MPC2: variants seen among roughly 807,000 people sequenced by gnomAD.
MPC2 encodes mitochondrial pyruvate carrier 2, also known as brain protein 44.
Under a neutral mutation model 19.2 loss-of-function variants are expected in MPC2, and 19 were observed. The observed-to-expected ratio is 0.99, with a 90% CI of 0.69 to 1.45. MPC2 has a LOEUF of 1.45. Ranked by LOEUF, MPC2 falls within the 40% of genes most tolerant of loss-of-function variation. MPC2 has a pLI of 0.00. For synonymous variants in MPC2, 61 were observed against 54.3 expected (o/e 1.12, Z -0.54); for missense variants, 122 against 153.0 (o/e 0.80, Z 1.07).
intron 2 of MPC2, among the ~76,000 whole-genome samples, chr1:167,934,291 A>T (rs571979544): frequency 2.6e-4 from 40 of 152,320 alleles, no homozygotes; most frequent in African/African-American, 8.2e-4. Flanking sequence ...TTACTCTGTC[A>T]TGCCCTTATC....
chr1:167,936,772 C>A lies in MPC2; in HGVS notation c.-58+167G>T, dbSNP rs1434441586. The A allele has an allele frequency of 2.6e-5, 19 of 718,792 alleles. No individual in the cohort carries two copies. In the East Asian group the frequency reaches 4.5e-4, roughly 17 times the overall value. 44.5% of individuals were successfully genotyped at this position (718,792 alleles called of 1,614,324 possible). On this transcript the variant is annotated intron_variant, in intron 1 of 5. Coordinates refer to ENST00000271373, the MANE Select transcript of MPC2 (RefSeq NM_001143674.4). Reference sequence around the variant, plus strand: ...TCAGGGGCCCAGGCGCCGCTGCTGCCACCGCCATCTAACGCTGCGCCCTGG... The same window carrying A: ...TCAGGGGCCCAGGCGCCGCTGCTGCAACCGCCATCTAACGCTGCGCCCTGG...
At chr1:167,925,560 T>C (rs1670734866) in intron 2 of MPC2, among the ~76,000 whole-genome samples, 1 of 147,892 alleles carries the variant, frequency 6.8e-6, no homozygotes, top group Non-Finnish European at 1.5e-5. Context: ...TTTTTGTTTT[T>C]TTTTGAGACA....
chr1:167,929,652 T>C (rs1052120429), intron 2 of MPC2, among the ~76,000 whole-genome samples: 2 of 152,218 alleles, frequency 1.3e-5, no homozygotes, highest in African/African-American at 4.8e-5. Context: ...GAGAAATTAC[T>C]GTTAATAAAA....
intron 2 of MPC2, among the ~76,000 whole-genome samples, chr1:167,928,462 A>G (rs1670816818): frequency 6.6e-6 from 1 of 152,220 alleles, no homozygotes; most frequent in South Asian, 2.1e-4. Context: ...ATAAAGCTAG[A>G]CAGGTAAATT....
intron 1 of MPC2, 40 bp from the exon 2 acceptor site, chr1:167,935,938 C>G: frequency 1.1e-6 from 1 of 926,422 alleles, no homozygotes; most frequent in Non-Finnish European, 1.7e-6. Context: ...CCTGCCACGA[C>G]GACTCGCGTC....
chr1:167,923,882 C>T (rs745560801), intron 3 of MPC2, among the ~76,000 whole-genome samples: 9 of 152,132 alleles, frequency 5.9e-5, no homozygotes, highest in Non-Finnish European at 1.3e-4. Context: ...AGAGATGACA[C>T]TTTGAGAAGC....
At chr1:167,934,450 A>C (rs909144380) in intron 2 of MPC2, among the ~76,000 whole-genome samples, 1 of 152,248 alleles carries the variant, frequency 6.6e-6, no homozygotes, top group Non-Finnish European at 1.5e-5. Context: ...AAAAAAATTG[A>C]ATGTTAAAAG....
At chr1:167,936,239 T>C (rs1370757293) in intron 1 of MPC2, 1 of 235,824 alleles carries the variant, frequency 4.2e-6, no homozygotes, top group African/African-American at 2.4e-5. Flanking sequence ...AACCTCCTCC[T>C]TCTCCCCATG....
chr1:167,936,933 C>G lies in MPC2; in HGVS notation c.-58+6G>C. On this transcript the variant is annotated splice_donor_region_variant and intron_variant, in intron 1 of 5. Coordinates refer to ENST00000271373, the MANE Select transcript of MPC2 (RefSeq NM_001143674.4). ...AGCCATGTCTCGGGGTGGCTCCTAC[C>G]CACACCTGTTGTGGGACGTGAGGAA... The G allele has an allele frequency of 2.5e-6, 4 of 1,608,598 alleles. No homozygotes were observed. The highest frequency in any genetic ancestry group is 3.4e-6 in the Non-Finnish European group (4 of 1,178,366).
intron 1 of MPC2, 37 bp from the exon 2 acceptor site, chr1:167,935,935 C>T (rs1671149648): frequency 3.2e-6 from 3 of 934,648 alleles, no homozygotes; most frequent in Non-Finnish European, 5.0e-6. Flanking sequence ...TTTCCTGCCA[C>T]GACGACTCGC....
chr1:167,933,897 T>C (rs868572641), intron 2 of MPC2, among the ~76,000 whole-genome samples: 1 of 152,216 alleles, frequency 6.6e-6, no homozygotes, highest in African/African-American at 2.4e-5. Flanking sequence ...GCAAACGCTG[T>C]GCTACATGTT....
chr1:167,936,652 G>C (rs2102577406), intron 1 of MPC2: 1 of 412,020 alleles, frequency 2.4e-6, no homozygotes, highest in Non-Finnish European at 4.4e-6. Context: ...TGTTGGAGGG[G>C]GGCTGAGGGA....
chr1:167,926,254 T>C (rs573421994), intron 2 of MPC2, among the ~76,000 whole-genome samples: 3 of 152,246 alleles, frequency 2.0e-5, no homozygotes, highest in Non-Finnish European at 4.4e-5. Context: ...ATTTAAACTA[T>C]CAAGGAGTTC....
In MPC2 at chr1:167,937,046, C is replaced by A; in HGVS notation, c.-165G>T. ...CCCGGGGCGGAGGCGCTGAGGTCGC[C>A]GCCTAGAGTGGGGGAGGGGGCACGC... On this transcript the variant is annotated 5_prime_UTR_variant, in exon 1 of 6. Transcript: ENST00000271373. The A allele has an allele frequency of 6.5e-7, 1 of 1,549,312 alleles. No homozygotes were observed. Among genetic ancestry groups the A allele is most frequent in the African/African-American group, 1.4e-5 (1 of 73,916 alleles).
intron 3 of MPC2, among the ~76,000 whole-genome samples, chr1:167,921,930 T>A (rs1275208964): frequency 6.6e-6 from 1 of 152,214 alleles, no homozygotes; most frequent in East Asian, 1.9e-4. Context: ...GATTATCCAC[T>A]TTGACCTTTA....
At chr1:167,930,921 T>C (rs1437542977) in intron 2 of MPC2, among the ~76,000 whole-genome samples, 3 of 152,344 alleles carry the variant, frequency 2.0e-5, no homozygotes, top group South Asian at 2.1e-4. Flanking sequence ...ACAAAAAATA[T>C]GTTAAGTGTT....
chr1:167,934,698 T>C (rs1304578968), intron 2 of MPC2, among the ~76,000 whole-genome samples: 6 of 152,206 alleles, frequency 3.9e-5, no homozygotes, highest in Non-Finnish European at 8.8e-5. Context: ...TGATACCAAC[T>C]ACAGAATACA....
intron 2 of MPC2, among the ~76,000 whole-genome samples, chr1:167,935,312 T>C (rs886068525): frequency 6.6e-6 from 1 of 152,210 alleles, no homozygotes; most frequent in Admixed American, 6.5e-5. Flanking sequence ...GAAAGTGACC[T>C]TTACTCCAAA....
At chr1:167,919,891 G>C in intron 5 of MPC2, 88 bp downstream of exon 5, 1 of 814,258 alleles carries the variant, frequency 1.2e-6, no homozygotes, top group South Asian at 1.7e-5. Context: ...CTGGGCAACA[G>C]AGCGAGACCC....
Sources: gnomAD v4.1 joint callset for allele counts (sites outside exome capture counted in the v4.1 genomes callset) on GRCh38, gnomAD v4.1.1 for gene constraint, MANE v1.5 for transcripts, NCBI Gene and HGNC (gene_info 2026-07-23, HGNC 2026-07-21) for gene names.